The following CD6 variants were observed in gnomAD, a reference collection of about 807,000 sequenced individuals.
The protein encoded by CD6 is CD6 molecule.
A neutral mutation model predicts 75.3 loss-of-function variants in CD6; 53 were observed. That is an observed-to-expected ratio of 0.70 (90% CI 0.56 to 0.88). The LOEUF (loss-of-function observed/expected upper bound fraction) is 0.88, where lower values mean the gene tolerates loss of function less well. Among genes scored for constraint, CD6 ranks in the 40% least tolerant of loss-of-function variants. The pLI, the probability that CD6 is intolerant of heterozygous loss-of-function variation, is 0.00. For synonymous variants in CD6, 359 were observed against 381.5 expected, an observed-to-expected ratio of 0.94 and a Z score of 0.69; for missense variants, 770 against 897.1, an observed-to-expected ratio of 0.86 and a Z score of 1.81.
At position 61,008,826 on chromosome 11, in the gene CD6, C is replaced by T. The variant is rs771646536; in HGVS notation, c.762C>T (p.Asp254=). ...AGCACTACTGCGGCCACAAAGAGGA[C>T]GCGGGCGCGGTGTGCTCAGGTCAGT... ...PGQHYCGHKE[D]AGAVCSEHQS... The change falls in exon 4 of 13, where the codon GAC becomes GAT. Residue 254 remains aspartate (D), a synonymous_variant. Coordinates refer to ENST00000313421, the MANE Select transcript of CD6 (RefSeq NM_006725.5). 2.6e-6 allele frequency: 4 copies of T among 1,554,828 alleles called. No homozygotes were observed. The South Asian group carries it at 3.6e-5, about 14-fold the overall frequency.
chr11:61,002,688 G>A (rs1407690896), intron 1 of CD6, among the ~76,000 whole-genome samples: 1 of 152,238 alleles, frequency 6.6e-6, no homozygotes, highest in Non-Finnish European at 1.5e-5. Flanking sequence ...ACCACAGAGT[G>A]AGTAATTTAA....
At chr11:61,004,086 C>A (rs1858727118) in intron 1 of CD6, among the ~76,000 whole-genome samples, 1 of 152,190 alleles carries the variant, frequency 6.6e-6, no homozygotes, top group Non-Finnish European at 1.5e-5. Context: ...TAGGAGAACA[C>A]ATTTTTGTCT....
At chr11:61,014,710 G>A (rs1328476579) in intron 8 of CD6, among the ~76,000 whole-genome samples, 1 of 151,624 alleles carries the variant, frequency 6.6e-6, no homozygotes, top group African/African-American at 2.4e-5. Context: ...ACTCCAGCCT[G>A]GGCGACAGAG....
rs1857189709 is a variant in CD6, at chr11:60,971,749, C to CAGCAA, written c.-114_-110dup. On this transcript the variant is annotated 5_prime_UTR_variant, in exon 1 of 13. It introduces an in-frame stop codon into an upstream open reading frame of the 5' UTR. Coordinates refer to ENST00000313421, the MANE Select transcript of CD6 (RefSeq NM_006725.5). ...GCAGAGAGAGACACAGGAACAAGAA[C>CAGCAA]AGCAAAGGGTAGAGCAGACCTGCGC... The CAGCAA allele has an allele frequency of 1.0e-6, 1 of 960,556 alleles. No individual in the cohort carries two copies. Among genetic ancestry groups the CAGCAA allele is most frequent in the Non-Finnish European group, 1.6e-6 (1 of 619,798 alleles). The allele number at this position is 960,556 out of a possible 1,614,324, so 59.5% of individuals were successfully genotyped here.
chr11:60,975,420 T>A (rs1351877201), intron 1 of CD6, among the ~76,000 whole-genome samples: 1 of 152,262 alleles, frequency 6.6e-6, no homozygotes, highest in Non-Finnish European at 1.5e-5. Flanking sequence ...GTGATTTATA[T>A]GTCGAACTTA....
intron 1 of CD6, among the ~76,000 whole-genome samples, chr11:60,982,292 T>C (rs1456525176): frequency 6.6e-6 from 1 of 152,144 alleles, no homozygotes; most frequent in Non-Finnish European, 1.5e-5. Flanking sequence ...ATGAAGTCAC[T>C]GTGTCCTCGG....
chr11:61,012,330 T>C (rs11820144), intron 6 of CD6, among the ~76,000 whole-genome samples: 24,788 of 152,164 alleles, frequency 0.16, 2,370 homozygotes, highest in African/African-American at 0.27. Flanking sequence ...CCCCGGCCCT[T>C]GGTCCATCAG....
chr11:60,982,556 G>C, intron 1 of CD6: 1 of 455,846 alleles, frequency 2.2e-6, no homozygotes, highest in South Asian at 1.5e-5. Context: ...AGGCCTGGAG[G>C]AGGCCCGTTC....
chr11:61,002,269 T>A (rs181887840), intron 1 of CD6, among the ~76,000 whole-genome samples: 213 of 152,284 alleles, frequency 1.4e-3, no homozygotes, highest in Middle Eastern at 3.4e-3. Flanking sequence ...AAATCTGCAG[T>A]GGACTGGGTG....
At chr11:60,998,738 T>C (rs969233863) in intron 1 of CD6, among the ~76,000 whole-genome samples, 5 of 152,054 alleles carry the variant, frequency 3.3e-5, no homozygotes, top group Non-Finnish European at 5.9e-5. Context: ...GTATTAGTAC[T>C]TCAAGCTAGC....
chr11:60,998,143 A>C (rs1166313215), intron 1 of CD6, among the ~76,000 whole-genome samples: 1 of 152,146 alleles, frequency 6.6e-6, no homozygotes, highest in Non-Finnish European at 1.5e-5. Context: ...TCCAGGTTCA[A>C]ATTTTGCTTT....
chr11:60,983,228 C>G (rs1437517416), intron 1 of CD6, among the ~76,000 whole-genome samples: 1 of 151,986 alleles, frequency 6.6e-6, no homozygotes, highest in Non-Finnish European at 1.5e-5. Context: ...TCCCGAGTAG[C>G]TGGGACTACA....
Position 61,015,464 on chromosome 11 carries a change from G to A in CD6, c.1388-249G>A, listed in dbSNP as rs560026888. Reference sequence around the variant, plus strand: ...TGCATGCCTGTGGTCCCAGCTACTCGGGAGGCTGAGGTGGGAGGATCGCCT... The same window carrying A: ...TGCATGCCTGTGGTCCCAGCTACTCAGGAGGCTGAGGTGGGAGGATCGCCT... On this transcript the variant is annotated intron_variant, in intron 8 of 12. Coordinates refer to ENST00000313421, the MANE Select transcript of CD6 (RefSeq NM_006725.5). 175 of 443,106 alleles carry A rather than the reference G, an allele frequency of 3.9e-4. 3 individuals are homozygous for A. The South Asian group carries it at 5.4e-3, about 14-fold the overall frequency. The allele number at this position is 443,106 out of a possible 1,614,324, so 27.4% of individuals were successfully genotyped here.
chr11:61,017,557 C>A lies in CD6; in HGVS notation c.1582+7C>A. The A allele has an allele frequency of 6.4e-7, 1 of 1,558,882 alleles. No individual in the cohort carries two copies. Among genetic ancestry groups the A allele is most frequent in the Non-Finnish European group, 8.7e-7 (1 of 1,150,320 alleles). On this transcript the variant is annotated splice_region_variant and intron_variant, in intron 10 of 12. Transcript: ENST00000313421. ...ATGCCACCCTTGGAGGAAGGTGAGT[C>A]AGGATGGGAAGGGGTGTGAATGGCA...
In CD6 at chr11:61,020,348, C is replaced by T; in HGVS notation, c.*1030C>T. ...GGCTTTGTTGTCCTGCTCTGAGTATCCTGAGATTAAACTGAATTGCTGAAT... is the reference window on the plus strand; with the variant it reads ...GGCTTTGTTGTCCTGCTCTGAGTATTCTGAGATTAAACTGAATTGCTGAAT... On this transcript the variant is annotated 3_prime_UTR_variant, in exon 13 of 13. Transcript: ENST00000313421. The T allele has an allele frequency of 2.5e-6, 1 of 398,910 alleles. No homozygotes were observed. Among genetic ancestry groups the T allele is most frequent in the Non-Finnish European group, 4.4e-6 (1 of 226,062 alleles). 24.7% of individuals were successfully genotyped at this position (398,910 alleles called of 1,614,324 possible). A position where few individuals can be genotyped will look rare whatever the true frequency, so the allele number is the denominator to read the frequency against.
intron 5 of CD6, among the ~76,000 whole-genome samples, chr11:61,010,693 C>A (rs1475838497): frequency 1.3e-5 from 2 of 152,168 alleles, no homozygotes; most frequent in Non-Finnish European, 2.9e-5. Flanking sequence ...TGTGAGCCTA[C>A]CTGCCCAACG....
intron 1 of CD6, among the ~76,000 whole-genome samples, chr11:61,000,173 A>G (rs1314672856): frequency 6.6e-6 from 1 of 152,146 alleles, no homozygotes; most frequent in Non-Finnish European, 1.5e-5. Context: ...CAAAGCATGG[A>G]CTTTAGTCTC....
intron 1 of CD6, among the ~76,000 whole-genome samples, chr11:60,983,170 C>T (rs1178004264): frequency 1.3e-5 from 2 of 151,194 alleles, no homozygotes; most frequent in Non-Finnish European, 2.9e-5. Flanking sequence ...GATCTCGGCT[C>T]ACTGCAACCT....
Position 60,971,733 on chromosome 11 carries a change from G to A in CD6, c.-133G>A, listed in dbSNP as rs971920521. 1 of 807,486 alleles carries A rather than the reference G, an allele frequency of 1.2e-6. No homozygotes were observed. The highest frequency in any genetic ancestry group is 1.7e-5 in the African/African-American group (1 of 58,902). 50.0% of individuals were successfully genotyped at this position (807,486 alleles called of 1,614,324 possible). On this transcript the variant is annotated 5_prime_UTR_variant, in exon 1 of 13. Transcript: ENST00000313421. ...TGTCGGAGAGGAGAGAGCAGAGAGA[G>A]ACACAGGAACAAGAACAGCAAAGGG...
Sources: gnomAD v4.1 joint callset for allele counts (sites outside exome capture counted in the v4.1 genomes callset) on GRCh38, gnomAD v4.1.1 for gene constraint, MANE v1.5 for transcripts, NCBI Gene and HGNC (gene_info 2026-07-23, HGNC 2026-07-21) for gene names.